The following FER1L5 variants were observed in gnomAD, a reference collection of about 807,000 sequenced individuals.
The protein encoded by FER1L5 is fer-1 like family member 5.
FER1L5 carries 187 observed loss-of-function variants against 279.9 expected under a neutral mutation model. The observed-to-expected ratio is 0.67, with a 90% confidence interval of 0.59 to 0.75. The LOEUF (loss-of-function observed/expected upper bound fraction) is 0.75, where lower values mean the gene tolerates loss of function less well. Ranked by LOEUF, FER1L5 falls within the 30% of genes least tolerant of loss-of-function variation. The probability of loss-of-function intolerance (pLI) is 0.00; values close to 1 mark genes in which losing one functional copy is unlikely to be tolerated. For missense variants in FER1L5, 2,091 were observed against 2,594.4 expected (o/e 0.81, Z 4.21); for synonymous variants, 921 against 989.7 (o/e 0.93, Z 1.30).
Position 96,691,625 on chromosome 2 carries a change from A to G in FER1L5, c.3075+13A>G, listed in dbSNP as rs1573939648. ...GGAGGGGTCCTTGGTAAAGCCTCAC[A>G]GGCTGGGTGATGCCTGCCTGTAACC... On this transcript the variant is annotated intron_variant, in intron 29 of 52. Coordinates refer to ENST00000624922, the MANE Select transcript of FER1L5 (RefSeq NM_001293083.2). This position sits in a 1 kb window ranked among gnomAD's most constrained non-coding sequence, Gnocchi z 6.0. 1.3e-6 allele frequency: 2 copies of G among 1,511,920 alleles called. No homozygotes were observed. The highest frequency in any genetic ancestry group is 2.2e-5 in the Admixed American group (1 of 45,942). 93.7% of individuals were successfully genotyped at this position (1,511,920 alleles called of 1,614,324 possible).
chr2:96,663,517 C>A lies in FER1L5; in HGVS notation c.1140+10C>A. On this transcript the variant is annotated intron_variant, in intron 14 of 52. Transcript: ENST00000624922. ...GACCTTCCGGATTCAGGTATGGCTC[C>A]TCCATCATGCCCACCCTTCTCCCAC... 6.4e-7 allele frequency: 1 copy of A among 1,551,436 alleles called. No individual in the cohort carries two copies. The highest frequency in any genetic ancestry group is 2.4e-5 in the East Asian group (1 of 40,910).
At chr2:96,670,781 G>A (rs1006150626) in intron 18 of FER1L5, among the ~76,000 whole-genome samples, 6 of 149,566 alleles carry the variant, frequency 4.0e-5, no homozygotes, top group South Asian at 2.1e-4. Flanking sequence ...GCAAGACTCC[G>A]TCTGAAAAAA....
intron 45 of FER1L5, among the ~76,000 whole-genome samples, chr2:96,700,849 CTG>C (rs1290031454): frequency 6.6e-6 from 1 of 152,148 alleles, no homozygotes; most frequent in Non-Finnish European, 1.5e-5. Context: ...TAATTGTAGG[CTG>C]TGTCTTCTTC....
In FER1L5 at chr2:96,642,778, C is replaced by T. The variant is rs371864803; in HGVS notation, c.-59C>T. On this transcript the variant is annotated 5_prime_UTR_variant, in exon 1 of 53. Transcript: ENST00000624922. ...CTGGGAAAAGTCTTGGACTGAGGAG[C>T]TCCAAAAAGGAAGCTGTGGCGCTGC... 39 of 1,514,354 alleles carry T rather than the reference C, an allele frequency of 2.6e-5. No homozygotes were observed. The African/African-American group carries it at 3.7e-4, about 15-fold the overall frequency. The allele number at this position is 1,514,354 out of a possible 1,614,324, so 93.8% of individuals were successfully genotyped here.
intron 19 of FER1L5, among the ~76,000 whole-genome samples, chr2:96,677,970 A>G (rs2076572552): frequency 1.3e-5 from 2 of 152,034 alleles, no homozygotes; most frequent in South Asian, 2.1e-4. Flanking sequence ...TGGCCACACC[A>G]TTTTATATTC....
rs2153283236 is a variant in FER1L5 at position 96,691,553 on chromosome 2, A to T, written c.3016A>T (p.Arg1006Trp). Residue 1006 changes from arginine (R) to tryptophan (W), a missense_variant, in exon 29 of 53, where the codon AGG (arginine) becomes TGG (tryptophan). Coordinates refer to ENST00000624922, the MANE Select transcript of FER1L5 (RefSeq NM_001293083.2). The surrounding 1 kb of genome is among the most constrained non-coding windows in gnomAD (Gnocchi z 6.0). The stretch of plus-strand genomic sequence containing the variant: ...GTTCCGCCGCCGCTGCTGGCGCCGC[A>T]GGCTGGCCCCCAACAAGGACAAGGG... ...SRFRRRCWRR[R>W]LAPNKDKGIA... 1 of 1,549,308 alleles carries T rather than the reference A, an allele frequency of 6.5e-7. No homozygotes were observed. The highest frequency in any genetic ancestry group is 2.4e-5 in the East Asian group (1 of 40,906).
chr2:96,703,684 A>G, intron 51 of FER1L5, 52 bp downstream of exon 51: 1 of 1,554,828 alleles, frequency 6.4e-7, no homozygotes, highest in Middle Eastern at 1.7e-4. Context: ...CTCAGTGTGT[A>G]TGGGGTGGTG....
At chr2:96,667,174 A>G (rs750381358) in intron 14 of FER1L5, among the ~76,000 whole-genome samples, 11 of 151,968 alleles carry the variant, frequency 7.2e-5, no homozygotes, top group Non-Finnish European at 1.3e-4. Flanking sequence ...TAGCATGAGA[A>G]CTTCAGGAAC....
Position 96,695,458 on chromosome 2 carries a change from T to A in FER1L5, c.3742-51T>A, listed in dbSNP as rs2077335071. The A allele has an allele frequency of 1.2e-5, 19 of 1,522,466 alleles. No homozygotes were observed. The East Asian group carries it at 4.6e-4, about 37-fold the overall frequency. The allele number at this position is 1,522,466 out of a possible 1,614,324, so 94.3% of individuals were successfully genotyped here. On this transcript the variant is annotated intron_variant, in intron 34 of 52. Transcript: ENST00000624922. Reference sequence around the variant, plus strand: ...CCCCCTTCTCTGGCCAGGACCCCATTACAGAGGCGCTGCCTGCCCCTTGTC... The same window carrying A: ...CCCCCTTCTCTGGCCAGGACCCCATAACAGAGGCGCTGCCTGCCCCTTGTC...
intron 9 of FER1L5, among the ~76,000 whole-genome samples, chr2:96,659,285 CAAG>C (rs1481953900): frequency 2.0e-5 from 3 of 148,530 alleles, no homozygotes; most frequent in African/African-American, 7.7e-5. Context: ...TCCAATTTAT[CAAG>C]CTTTCCTTCC....
At position 96,698,594 on chromosome 2, in the gene FER1L5, C is replaced by A; in HGVS notation, c.4357-77C>A. The A allele has an allele frequency of 7.9e-7, 1 of 1,258,042 alleles. No homozygotes were observed. The highest frequency in any genetic ancestry group is 1.1e-6 in the Non-Finnish European group (1 of 895,296). The allele number at this position is 1,258,042 out of a possible 1,614,324, so 77.9% of individuals were successfully genotyped here. On this transcript the variant is annotated intron_variant, in intron 40 of 52. Transcript: ENST00000624922. This position sits in a 1 kb window ranked among gnomAD's most constrained non-coding sequence, Gnocchi z 5.5. The stretch of plus-strand genomic sequence containing the variant: ...CAACCCTCTCTCTCCTGAACATGGG[C>A]TGGGGCACCTCCCAGAGGGCTTTAC...
chr2:96,655,655 G>A (rs1222890139), intron 9 of FER1L5, among the ~76,000 whole-genome samples: 1 of 152,184 alleles, frequency 6.6e-6, no homozygotes, highest in Non-Finnish European at 1.5e-5. Flanking sequence ...TTTCTAGACA[G>A]TGACCAATGA....
chr2:96,702,789 C>G lies in FER1L5; in HGVS notation c.5397+48C>G. 11 of 1,603,176 alleles carry G rather than the reference C, an allele frequency of 6.9e-6. No homozygotes were observed. Among genetic ancestry groups the G allele is most frequent in the Non-Finnish European group, 9.4e-6 (11 of 1,175,300 alleles). On this transcript the variant is annotated intron_variant, in intron 48 of 52. Transcript: ENST00000624922. The surrounding 1 kb of genome is among the most constrained non-coding windows in gnomAD (Gnocchi z 4.0). ...GGCAACAGGCCACAACAAACAGACC[C>G]AGGCTCCTGGAGCTCCTCCCCCCAC...
chr2:96,699,367 A>C (rs2153307356), intron 42 of FER1L5, among the ~76,000 whole-genome samples, 183 bp from the exon 43 acceptor site: 2 of 152,230 alleles, frequency 1.3e-5, no homozygotes, highest in East Asian at 3.9e-4. Flanking sequence ...CACCAGGCCT[A>C]TCCAAAGTTA....
intron 19 of FER1L5, among the ~76,000 whole-genome samples, chr2:96,681,831 C>T (rs957796755): frequency 2.0e-5 from 3 of 149,786 alleles, no homozygotes; most frequent in African/African-American, 7.3e-5. Context: ...ACTTTGTTGC[C>T]CAGGCTGGAG....
intron 14 of FER1L5, among the ~76,000 whole-genome samples, chr2:96,664,994 T>C (rs1375408581): frequency 6.6e-6 from 1 of 152,230 alleles, no homozygotes; most frequent in African/African-American, 2.4e-5. Context: ...TCTGAGATGC[T>C]TTCTTTTTGG....
chr2:96,663,577 T>C (rs1264735369), intron 14 of FER1L5, 70 bp downstream of exon 14: 1 of 1,519,046 alleles, frequency 6.6e-7, no homozygotes, highest in African/African-American at 1.4e-5. Flanking sequence ...TGGATGATTG[T>C]GTGGGGGTGA....
chr2:96,686,969 T>C (rs1244570041), intron 23 of FER1L5, among the ~76,000 whole-genome samples: 2 of 151,554 alleles, frequency 1.3e-5, no homozygotes, highest in African/African-American at 4.9e-5. Flanking sequence ...GACGGGGTGA[T>C]CTCCAAAATA....
chr2:96,699,164 T>A (rs2077497844), intron 42 of FER1L5, 28 bp downstream of exon 42: 1 of 1,582,120 alleles, frequency 6.3e-7, no homozygotes, highest in African/African-American at 1.3e-5. Flanking sequence ...CCAAGACCCC[T>A]TCTCCACTCC....
Sources: gnomAD v4.1 joint callset for allele counts (sites outside exome capture counted in the v4.1 genomes callset) on GRCh38, gnomAD v4.1.1 for gene constraint, Gnocchi (gnomAD v3.1) non-coding constraint, MANE v1.5 for transcripts, NCBI Gene and HGNC (gene_info 2026-07-23, HGNC 2026-07-21) for gene names.